The following SLC5A4 variants were observed in gnomAD, a reference collection of about 807,000 sequenced individuals.
SLC5A4 encodes the protein probable glucose sensor protein SLC5A4.
In SLC5A4, 55 loss-of-function variants were observed where a neutral mutation model predicts 70.3. That is an observed-to-expected ratio of 0.78 (90% CI 0.63 to 0.98). The LOEUF is 0.98. Ranked by LOEUF, SLC5A4 falls within the 50% of genes least tolerant of loss-of-function variation. The pLI is 0.00. For missense variants in SLC5A4, 735 were observed against 839.2 expected (o/e 0.88, Z 1.53); for synonymous variants, 268 against 305.7 (o/e 0.88, Z 1.29).
the SLC5A4 span, among the ~76,000 whole-genome samples, chr22:32,324,398 C>T: frequency 1.3e-5 from 2 of 151,994 alleles, no homozygotes; most frequent in Non-Finnish European, 2.9e-5. Context: ...ATTTTGATGT[C>T]TTAGCTGGGC....
the SLC5A4 span, among the ~76,000 whole-genome samples, chr22:32,318,744 C>T: frequency 6.6e-6 from 1 of 152,184 alleles, no homozygotes; most frequent in Non-Finnish European, 1.5e-5. Context: ...ATTATGCCAC[C>T]CCTTTCCTCA....
the SLC5A4 span, among the ~76,000 whole-genome samples, chr22:32,278,201 C>A: frequency 2.0e-4 from 31 of 152,266 alleles, no homozygotes; most frequent in South Asian, 6.4e-3. Context: ...ACCTTAGACC[C>A]CAAATGGCTT....
chr22:32,256,646 G>T (rs906931522), upstream of SLC5A4, among the ~76,000 whole-genome samples: 4 of 152,076 alleles, frequency 2.6e-5, no homozygotes, highest in African/African-American at 9.7e-5. Context: ...GCCTATTCTA[G>T]GTACCTCATA....
At chr22:32,303,851 A>ATGTTT in the SLC5A4 span, among the ~76,000 whole-genome samples, 3 of 152,154 alleles carry the variant, frequency 2.0e-5, no homozygotes, top group African/African-American at 7.2e-5. Flanking sequence ...TGGTAAAAAT[A>ATGTTT]TGTTTTGTTT....
intron 10 of SLC5A4, among the ~76,000 whole-genome samples, chr22:32,230,133 G>A (rs1029424625): frequency 6.6e-6 from 1 of 152,260 alleles, no homozygotes; most frequent in Non-Finnish European, 1.5e-5. Context: ...TGTGTGGATG[G>A]GAAGCATGTG....
intron 12 of SLC5A4, among the ~76,000 whole-genome samples, chr22:32,224,990 G>T (rs993638622): frequency 6.6e-6 from 1 of 152,114 alleles, no homozygotes; most frequent in East Asian, 1.9e-4. Flanking sequence ...GAGATTAATG[G>T]TATGAGCTTT....
the SLC5A4 span, among the ~76,000 whole-genome samples, chr22:32,338,387 G>A: frequency 6.9e-6 from 1 of 145,232 alleles, no homozygotes; most frequent in Non-Finnish European, 1.5e-5. Context: ...GGTGCCTCAC[G>A]CCTGTAGTTC....
At chr22:32,347,998 T>C in the SLC5A4 span, among the ~76,000 whole-genome samples, 7 of 152,164 alleles carry the variant, frequency 4.6e-5, no homozygotes, top group African/African-American at 1.7e-4. Flanking sequence ...TCGACAAATC[T>C]GTTCCCCTCT....
At chr22:32,255,431 G>C, upstream of SLC5A4, 1 of 1,311,176 alleles carries the variant, frequency 7.6e-7, no homozygotes, top group Admixed American at 1.8e-5. Context: ...ATCAGAGCCA[G>C]CTCCTGGATA....
chr22:32,239,590 ATATAAATTAT>A (rs1926373199), intron 5 of SLC5A4, among the ~76,000 whole-genome samples: 10 of 33,048 alleles, frequency 3.0e-4, no homozygotes, highest in South Asian at 6.1e-4. Flanking sequence ...ATTTATATAT[ATATAAATTAT>A]ATAAAATATA....
the SLC5A4 span, among the ~76,000 whole-genome samples, chr22:32,307,036 T>C: frequency 6.6e-6 from 1 of 152,060 alleles, no homozygotes; most frequent in African/African-American, 2.4e-5. Context: ...GGGAGGCTGG[T>C]TTAGGGTCAT....
the SLC5A4 span, among the ~76,000 whole-genome samples, chr22:32,275,820 T>C: frequency 6.6e-6 from 1 of 152,248 alleles, no homozygotes; most frequent in Non-Finnish European, 1.5e-5. Flanking sequence ...TGAACTAGTT[T>C]ATAATCCCAC....
At chr22:32,239,566 ATATTT>A (rs1926351086) in intron 5 of SLC5A4, among the ~76,000 whole-genome samples, 2 of 23,508 alleles carry the variant, frequency 8.5e-5, no homozygotes, top group Admixed American at 4.6e-4. Context: ...ATATATATAT[ATATTT>A]ATATATATAT....
chr22:32,241,952 G>T (rs2145684263), intron 5 of SLC5A4, among the ~76,000 whole-genome samples: 1 of 151,844 alleles, frequency 6.6e-6, no homozygotes, highest in Middle Eastern at 3.4e-3. Context: ...TATAAATATA[G>T]AATTGCAGAA....
At chr22:32,262,708 AAAAG>A in the SLC5A4 span, among the ~76,000 whole-genome samples, 1 of 151,948 alleles carries the variant, frequency 6.6e-6, no homozygotes, top group Non-Finnish European at 1.5e-5. Context: ...TGCAAAAAAG[AAAAG>A]AAAGTTCAAA....
intron 11 of SLC5A4, among the ~76,000 whole-genome samples, chr22:32,227,055 T>G (rs942691211): frequency 1.3e-5 from 2 of 152,114 alleles, no homozygotes; most frequent in Non-Finnish European, 2.9e-5. Flanking sequence ...TCTTCCTGCT[T>G]TGTCTTTCTA....
At chr22:32,261,587 A>C in the SLC5A4 span, among the ~76,000 whole-genome samples, 2 of 152,344 alleles carry the variant, frequency 1.3e-5, no homozygotes, top group Middle Eastern at 3.4e-3. Flanking sequence ...TTCCAGACAG[A>C]TAAGGTTGGC....
At chr22:32,353,133 C>A in the SLC5A4 span, among the ~76,000 whole-genome samples, 1 of 152,226 alleles carries the variant, frequency 6.6e-6, no homozygotes, top group South Asian at 2.1e-4. Flanking sequence ...TCCAGCCTCT[C>A]CTTTTGGCCC....
Position 32,247,434 on chromosome 22 carries a change from T to C in SLC5A4, c.454A>G (p.Ile152Val), listed in dbSNP as rs747806400. 3 of 1,613,034 alleles carry C rather than the reference T, an allele frequency of 1.9e-6. No individual in the cohort carries two copies. Among genetic ancestry groups the C allele is most frequent in the South Asian group, 2.2e-5 (2 of 91,052 alleles). The change falls in exon 5 of 15, where the codon ATC becomes GTC. Residue 152 changes from isoleucine (I) to valine (V), a missense_variant. Coordinates refer to ENST00000266086, the MANE Select transcript of SLC5A4 (RefSeq NM_014227.3). ...QVYLSILSLFICVVLLISADI... is the reference protein window; with the variant it reads ...QVYLSILSLFVCVVLLISADI... ...ACAGAAATTAACAAAACCACACAGA[T>C]GAAGAGGGAGAGGATGGAGAGGTAG... is the stretch of plus-strand genomic sequence containing the variant.
Sources: gnomAD v4.1 joint callset for allele counts (sites outside exome capture counted in the v4.1 genomes callset) on GRCh38, gnomAD v4.1.1 for gene constraint, MANE v1.5 for transcripts, NCBI Gene and HGNC (gene_info 2026-07-23, HGNC 2026-07-21) for gene names.